The following MRPL38 variants were observed in gnomAD, a reference collection of about 807,000 sequenced individuals.
MRPL38 encodes mitochondrial ribosomal protein L38, also known as large ribosomal subunit protein mL38.
In MRPL38, 51 loss-of-function variants were observed where a neutral mutation model predicts 52.1. That is an observed-to-expected ratio of 0.98 (90% CI 0.78 to 1.24). The LOEUF is 1.24. Ranked by LOEUF, MRPL38 falls within the 50% of genes most tolerant of loss-of-function variation. MRPL38 has a pLI of 0.00. For missense variants in MRPL38, 527 were observed against 518.6 expected (o/e 1.02, Z -0.16); for synonymous variants, 245 against 212.7 (o/e 1.15, Z -1.32).
At chr17:75,904,257 A>C in intron 2 of MRPL38, 3 of 598,488 alleles carry the variant, frequency 5.0e-6, no homozygotes, top group East Asian at 3.8e-5. Flanking sequence ...ACGGCATCCC[A>C]ATCCGGAAAG....
chr17:75,899,306 TA>T lies in MRPL38; in HGVS notation c.870-13del. The T allele has an allele frequency of 6.2e-7, 1 of 1,611,618 alleles. No individual in the cohort carries two copies. Among genetic ancestry groups the T allele is most frequent in the South Asian group, 1.1e-5 (1 of 90,774 alleles). On this transcript the variant is annotated splice_polypyrimidine_tract_variant and intron_variant, in intron 7 of 8. Transcript: ENST00000309352. ...GGGCCAGCTGATAGCTATGAGAAGATAGAGAGCGTATGAGAGTGTGGAGTGG... is the reference window on the plus strand; with the variant it reads ...GGGCCAGCTGATAGCTATGAGAAGATGAGAGCGTATGAGAGTGTGGAGTGG...
At chr17:75,899,020 C>A in intron 8 of MRPL38, 34 bp from the exon 9 acceptor site, 1 of 1,558,868 alleles carries the variant, frequency 6.4e-7, no homozygotes, top group South Asian at 1.2e-5. Context: ...GGGTGGTCTG[C>A]TGGCCTGCGC....
rs1268400969 is a variant in MRPL38, at chr17:75,901,089, T to C, written c.665-62A>G. 6.3e-7 allele frequency: 1 copy of C among 1,595,928 alleles called. No individual in the cohort carries two copies. The highest frequency in any genetic ancestry group is 1.7e-5 in the Admixed American group (1 of 57,234). Reference sequence around the variant, plus strand: ...GACCACGGCCCTGCCACCCCCTCCCTTGTTAGGAGCCAGCGCTGGAGATCT... The same window carrying C: ...GACCACGGCCCTGCCACCCCCTCCCCTGTTAGGAGCCAGCGCTGGAGATCT... On this transcript the variant is annotated intron_variant, in intron 5 of 8. Transcript: ENST00000309352. This position sits in a 1 kb window ranked among gnomAD's most constrained non-coding sequence, Gnocchi z 5.7.
At chr17:75,902,932 C>G (rs776435232) in intron 2 of MRPL38, among the ~76,000 whole-genome samples, 23 of 152,074 alleles carry the variant, frequency 1.5e-4, no homozygotes, top group Admixed American at 6.6e-5. Flanking sequence ...ACCATGTTGG[C>G]TAGGCTGGAG....
intron 1 of MRPL38, 23 bp downstream of exon 1, chr17:75,904,786 C>A (rs2065421775): frequency 7.7e-7 from 1 of 1,301,364 alleles, no homozygotes; most frequent in Admixed American, 3.0e-5. Flanking sequence ...CCCCCCCCCC[C>A]CGCAGAGCTG....
At chr17:75,900,301 G>A (rs1031126277) in intron 6 of MRPL38, 1 of 152,350 alleles carries the variant, frequency 6.6e-6, no homozygotes, top group African/African-American at 2.4e-5. Flanking sequence ...AGTGGTTCAA[G>A]GAGCACCTGG....
rs976238154 is a variant in MRPL38 at position 75,904,857 on chromosome 17, G to T, written c.19C>A (p.Arg7=). The T allele has an allele frequency of 2.0e-6, 3 of 1,469,322 alleles. No homozygotes were observed. The highest frequency in any genetic ancestry group is 2.2e-5 in the Admixed American group (1 of 46,374). 91.0% of individuals were successfully genotyped at this position (1,469,322 alleles called of 1,614,324 possible). A position where few individuals can be genotyped will look rare whatever the true frequency, so the allele number is the denominator to read the frequency against. MAAPWW[R]AALCECRRWR... ...CTCCGACACTCGCACAGCGCGGCTC[G>T]CCACCAGGGCGCCGCCATCTTCCCT... The change falls in exon 1 of 9, where the codon CGA becomes AGA. Residue 7 remains arginine, a synonymous_variant. Coordinates refer to ENST00000309352, the MANE Select transcript of MRPL38 (RefSeq NM_032478.4).
In MRPL38 at chr17:75,898,822, T is replaced by C. The variant is rs2065388562; in HGVS notation, c.*28A>G. ...TTACTCTTGCTGCCGATCAATCCCA[T>C]GCTCTGAAATGCGCACACTCTGGCT... On this transcript the variant is annotated 3_prime_UTR_variant, in exon 9 of 9. Coordinates refer to ENST00000309352, the MANE Select transcript of MRPL38 (RefSeq NM_032478.4). The C allele has an allele frequency of 1.2e-6, 2 of 1,610,704 alleles. No homozygotes were observed. The highest frequency in any genetic ancestry group is 1.3e-5 in the African/African-American group (1 of 74,982).
Position 75,898,686 on chromosome 17 carries a change from C to A in MRPL38, c.*164G>T, listed in dbSNP as rs2065387049. On this transcript the variant is annotated 3_prime_UTR_variant, in exon 9 of 9. Coordinates refer to ENST00000309352, the MANE Select transcript of MRPL38 (RefSeq NM_032478.4). ...TTTATTCACATTCCCCACCCCACCA[C>A]CTGAGAGTCACTTTCACTCCAAGCC... 15 of 749,220 alleles carry A rather than the reference C, an allele frequency of 2.0e-5. No individual in the cohort carries two copies. The South Asian group carries it at 2.6e-4, about 13-fold the overall frequency. The allele number at this position is 749,220 out of a possible 1,614,324, so 46.4% of individuals were successfully genotyped here. A position where few individuals can be genotyped will look rare whatever the true frequency, so the allele number is the denominator to read the frequency against.
At chr17:75,904,362 G>T in intron 2 of MRPL38, 178 bp downstream of exon 2, 1 of 750,466 alleles carries the variant, frequency 1.3e-6, no homozygotes, top group Non-Finnish European at 2.4e-6. Flanking sequence ...CAGAAGGTGT[G>T]AAAAATCCTG....
intron 2 of MRPL38, among the ~76,000 whole-genome samples, chr17:75,903,878 G>A (rs2065416291): frequency 6.6e-6 from 1 of 152,048 alleles, no homozygotes; most frequent in African/African-American, 2.4e-5. Context: ...ACAGGCATGC[G>A]ACACCACGCC....
chr17:75,902,334 C>T, intron 2 of MRPL38, 180 bp from the exon 3 acceptor site: 2 of 653,858 alleles, frequency 3.1e-6, no homozygotes, highest in Non-Finnish European at 5.2e-6. Flanking sequence ...AACTCTTGGG[C>T]TCAAGTGATC....
intron 6 of MRPL38, chr17:75,900,650 G>T: frequency 3.3e-6 from 2 of 610,788 alleles, no homozygotes; most frequent in Non-Finnish European, 4.5e-6. Flanking sequence ...GAGCCCAGGA[G>T]TTAGCGGCTG....
Position 75,898,703 on chromosome 17 carries a change from C to T in MRPL38, c.*147G>A. ...CCCCACCACCTGAGAGTCACTTTCA[C>T]TCCAAGCCCTGGGCCTGACGGGAGG... On this transcript the variant is annotated 3_prime_UTR_variant, in exon 9 of 9. Coordinates refer to ENST00000309352, the MANE Select transcript of MRPL38 (RefSeq NM_032478.4). 1 of 902,638 alleles carries T rather than the reference C, an allele frequency of 1.1e-6. No individual in the cohort carries two copies. 55.9% of individuals were successfully genotyped at this position (902,638 alleles called of 1,614,324 possible).
chr17:75,901,845 T>C lies in MRPL38; in HGVS notation c.458A>G (p.Glu153Gly). Residue 153 changes from glutamate (E) to glycine (G), a missense_variant, in exon 4 of 9, where the codon GAG (glutamate) becomes GGG (glycine). Glu to Gly is a moderately conservative substitution (Grantham distance 98, BLOSUM62 -2). Transcript: ENST00000309352. The surrounding 1 kb of genome is among the most constrained non-coding windows in gnomAD (Gnocchi z 5.7). Reference protein sequence around the residue: ...CGPYHKQRLAEYYGLYRDLFH... With the variant: ...CGPYHKQRLAGYYGLYRDLFH... ...CAGGTCTCGGTAGAGGCCGTAATAC[T>C]CAGCCAGACGCTGCTTGTGGTAGGG... The C allele has an allele frequency of 6.2e-7, 1 of 1,612,916 alleles. No homozygotes were observed. Among genetic ancestry groups the C allele is most frequent in the Non-Finnish European group, 8.5e-7 (1 of 1,179,768 alleles).
In MRPL38 at chr17:75,904,822, G is replaced by A. The variant is rs1481812748; in HGVS notation, c.54C>T (p.Gly18=). The change falls in exon 1 of 9, where the codon GGC becomes GGT. Residue 18 remains glycine, a synonymous_variant. Transcript: ENST00000309352. The part of the protein sequence containing the change: ...AALCECRRWR[G]FSTSAVLGRR... ...CCCACCCCTCACCCGAGGTGCTGAA[G>A]CCCCGCCATCTCCGACACTCGCACA... is the stretch of plus-strand genomic sequence containing the variant. The A allele has an allele frequency of 7.3e-6, 10 of 1,365,586 alleles. No individual in the cohort carries two copies. The highest frequency in any genetic ancestry group is 9.6e-6 in the Non-Finnish European group (10 of 1,045,456). The allele number at this position is 1,365,586 out of a possible 1,614,324, so 84.6% of individuals were successfully genotyped here. A position where few individuals can be genotyped will look rare whatever the true frequency, so the allele number is the denominator to read the frequency against.
At chr17:75,899,367 G>A in intron 7 of MRPL38, 73 bp from the exon 8 acceptor site, 3 of 1,561,452 alleles carry the variant, frequency 1.9e-6, no homozygotes, top group Non-Finnish European at 2.6e-6. Flanking sequence ...ACCCCAACAG[G>A]TAACCCTGAG....
intron 8 of MRPL38, 23 bp from the exon 9 acceptor site, chr17:75,899,009 G>T: frequency 1.3e-6 from 2 of 1,574,286 alleles, no homozygotes; most frequent in East Asian, 2.3e-5. Flanking sequence ...TGAGGGGTAC[G>T]GGGTGGTCTG....
chr17:75,898,926 C>T lies in MRPL38; in HGVS notation c.1067G>A (p.Arg356His), dbSNP rs149554562. ...GCGCAGGGGCTGCCGGTGGGGGAAG[C>T]GCTTCTGCTTGGGGTGGTAAGGGGG... ...RPPPYHPKQK[R>H]FPHRQPLRYL... The change falls in exon 9 of 9, where the codon CGC becomes CAC. Residue 356 changes from arginine (R) to histidine (H), a missense_variant. Arg to His is a conservative substitution (Grantham distance 29). Transcript: ENST00000309352. 215 of 1,610,042 alleles carry T rather than the reference C, an allele frequency of 1.3e-4. 1 individual carries two copies. Among genetic ancestry groups the T allele is most frequent in the Non-Finnish European group, 1.7e-4 (202 of 1,179,020 alleles).
Sources: gnomAD v4.1 joint callset for allele counts (sites outside exome capture counted in the v4.1 genomes callset) on GRCh38, gnomAD v4.1.1 for gene constraint, Gnocchi (gnomAD v3.1) non-coding constraint, MANE v1.5 for transcripts, NCBI Gene and HGNC (gene_info 2026-07-23, HGNC 2026-07-21) for gene names.